The following FAAH2 variants were observed in gnomAD, a reference collection of about 807,000 sequenced individuals.
FAAH2 encodes the protein fatty-acid amide hydrolase 2.
FAAH2 carries 60 observed loss-of-function variants against 36.9 expected under a neutral mutation model. That is an observed-to-expected ratio of 1.63 (90% CI 1.32 to 2.02). The LOEUF is 2.02. Ranked by LOEUF, FAAH2 falls within the 30% of genes most tolerant of loss-of-function variation. FAAH2 has a pLI of 0.00. For synonymous variants in FAAH2, 214 were observed against 143.8 expected, an observed-to-expected ratio of 1.49 and a Z score of -3.49; for missense variants, 689 against 397.5, an observed-to-expected ratio of 1.73 and a Z score of -6.23.
Position 57,438,260 on chromosome X carries a change from GATATA to G in FAAH2, c.1116+6224_1116+6228del, listed in dbSNP as rs2056459779. On this transcript the variant is annotated intron_variant, in intron 8 of 10. Transcript: ENST00000374900. ...CAGTATATATAGATATAAGTATATA[GATATA>G]GATATAGATATAGATATCAGTAAAA... Among the ~76,000 whole-genome samples, 6 of 133 alleles carry G rather than the reference GATATA, an allele frequency of 0.045. No homozygotes were observed. In the East Asian group the frequency reaches 0.5, roughly 11 times the overall value. 0.1% of individuals were successfully genotyped at this position (133 alleles called of 115,157 possible).
intron 4 of FAAH2, among the ~76,000 whole-genome samples, chrX:57,340,833 G>A (rs758190070): frequency 4.5e-5 from 5 of 111,113 alleles, no homozygotes; most frequent in South Asian, 7.6e-4. Flanking sequence ...AAGAAGAATA[G>A]CTAATGGCTG....
the FAAH2 span, among the ~76,000 whole-genome samples, chrX:57,225,192 G>C: frequency 9.1e-6 from 1 of 110,423 alleles, no homozygotes; most frequent in Admixed American, 9.6e-5. Context: ...TTTGGGTTTG[G>C]TTTGTTCTTG....
chrX:57,352,425 T>TA (rs1044010720), intron 5 of FAAH2, among the ~76,000 whole-genome samples: 2 of 108,459 alleles, frequency 1.8e-5, no homozygotes, highest in African/African-American at 6.7e-5. Context: ...GCCTTCATGG[T>TA]AAAAAAATCA....
chrX:57,316,213 G>A (rs1052771173), intron 3 of FAAH2, among the ~76,000 whole-genome samples: 14 of 111,334 alleles, frequency 1.3e-4, no homozygotes, highest in African/African-American at 3.6e-4. Context: ...GAACACTGCC[G>A]AAAGAAACCA....
intron 5 of FAAH2, among the ~76,000 whole-genome samples, chrX:57,342,748 G>T (rs1316173070): frequency 9.0e-6 from 1 of 110,699 alleles, no homozygotes; most frequent in Non-Finnish European, 1.9e-5. Flanking sequence ...TCCCTGATAG[G>T]TAGTTTTTTG....
the FAAH2 span, among the ~76,000 whole-genome samples, chrX:57,197,850 G>C: frequency 8.9e-6 from 1 of 112,250 alleles, no homozygotes; most frequent in Non-Finnish European, 1.9e-5. Context: ...TTCCTTGGAT[G>C]CTGGTTGTGC....
At chrX:57,488,036 T>A (rs1402001736) in intron 10 of FAAH2, among the ~76,000 whole-genome samples, 1 of 111,767 alleles carries the variant, frequency 8.9e-6, no homozygotes, top group Non-Finnish European at 1.9e-5. Context: ...ACATATTATA[T>A]AATTCAATTT....
At chrX:57,258,755 C>T in the FAAH2 span, among the ~76,000 whole-genome samples, 3 of 102,220 alleles carry the variant, frequency 2.9e-5, no homozygotes, top group East Asian at 9.2e-4. Context: ...GTCACCCAGG[C>T]TGGAGTGCAG....
chrX:57,401,776 G>A (rs1189548785), intron 7 of FAAH2, among the ~76,000 whole-genome samples: 1 of 111,228 alleles, frequency 9.0e-6, no homozygotes, highest in Non-Finnish European at 1.9e-5. Context: ...CAGGCTTCAG[G>A]ATTAATTCCT....
At chrX:57,222,043 A>T in the FAAH2 span, among the ~76,000 whole-genome samples, 1 of 111,219 alleles carries the variant, frequency 9.0e-6, no homozygotes, top group Non-Finnish European at 1.9e-5. Flanking sequence ...CCCCTAAAGA[A>T]ACAAAAATAT....
At chrX:57,344,743 A>C (rs2053774618) in intron 5 of FAAH2, among the ~76,000 whole-genome samples, 1 of 111,149 alleles carries the variant, frequency 9.0e-6, no homozygotes, top group Admixed American at 9.6e-5. Context: ...AGCTCTTATT[A>C]TTTTGATGTA....
the FAAH2 span, among the ~76,000 whole-genome samples, chrX:57,142,209 A>C: frequency 9.0e-6 from 1 of 110,613 alleles, no homozygotes; most frequent in Non-Finnish European, 1.9e-5. Context: ...GTTTATTTGA[A>C]GTTTTTATGC....
At chrX:57,400,304 C>T (rs2055399982) in intron 7 of FAAH2, among the ~76,000 whole-genome samples, 1 of 112,325 alleles carries the variant, frequency 8.9e-6, no homozygotes, top group African/African-American at 3.2e-5. Flanking sequence ...GCTACTGCTG[C>T]CACTACCCAT....
chrX:57,258,557 T>A, the FAAH2 span, among the ~76,000 whole-genome samples: 1 of 110,555 alleles, frequency 9.0e-6, no homozygotes, highest in African/African-American at 3.3e-5. Context: ...TGATAAAGGG[T>A]TAATATTCAA....
intron 4 of FAAH2, among the ~76,000 whole-genome samples, chrX:57,340,336 C>A (rs1348048373): frequency 9.0e-6 from 1 of 111,592 alleles, no homozygotes; most frequent in East Asian, 2.8e-4. Context: ...TCCACTGACT[C>A]GAATATTAAT....
At chrX:57,481,723 C>A (rs922512004) in intron 10 of FAAH2, among the ~76,000 whole-genome samples, 2 of 112,202 alleles carry the variant, frequency 1.8e-5, no homozygotes, top group African/African-American at 3.2e-5. Context: ...AGGTCAGGGA[C>A]CCAGCTGAGG....
chrX:57,344,867 T>A (rs372932308), intron 5 of FAAH2, among the ~76,000 whole-genome samples: 1 of 111,898 alleles, frequency 8.9e-6, no homozygotes. Flanking sequence ...TTTTAAATTC[T>A]GTGTATGTGG....
At chrX:57,464,224 G>A (rs759974277) in intron 10 of FAAH2, among the ~76,000 whole-genome samples, 1 of 110,790 alleles carries the variant, frequency 9.0e-6, no homozygotes, top group South Asian at 3.8e-4. Context: ...CACACACACA[G>A]GGATGGGAAC....
At chrX:57,185,125 A>G in the FAAH2 span, among the ~76,000 whole-genome samples, 1 of 111,116 alleles carries the variant, frequency 9.0e-6, no homozygotes, top group Non-Finnish European at 1.9e-5. Flanking sequence ...GTACAATAAA[A>G]TTATTAATAA....
Sources: allele counts gnomAD v4.1 joint callset (sites outside exome capture counted in the v4.1 genomes callset), GRCh38; gene constraint gnomAD v4.1.1; transcripts MANE v1.5; gene names NCBI Gene and HGNC (gene_info 2026-07-23, HGNC 2026-07-21).